The following CPAP variants were observed in gnomAD, a reference collection of about 807,000 sequenced individuals.
The protein encoded by CPAP is centrosomal P4.1-associated protein.
the CPAP span, among the ~76,000 whole-genome samples, chr13:24,890,083 G>A: frequency 6.6e-6 from 1 of 152,042 alleles, no homozygotes; most frequent in Non-Finnish European, 1.5e-5. Flanking sequence ...CAGAAGGTAG[G>A]GCATTCTACA....
the CPAP span, among the ~76,000 whole-genome samples, chr13:24,930,701 T>C: frequency 2.0e-5 from 3 of 152,244 alleles, no homozygotes; most frequent in Admixed American, 2.0e-4. Flanking sequence ...ATTTTCTTTA[T>C]CCAATCCATT....
At chr13:24,921,782 G>A in the CPAP span, among the ~76,000 whole-genome samples, 1 of 152,102 alleles carries the variant, frequency 6.6e-6, no homozygotes, top group Non-Finnish European at 1.5e-5. Context: ...ACAAGTGCAA[G>A]CAGTCTTGGG....
At chr13:24,929,956 G>A in the CPAP span, among the ~76,000 whole-genome samples, 3 of 145,572 alleles carry the variant, frequency 2.1e-5, no homozygotes, top group Non-Finnish European at 3.0e-5. Context: ...TGTTACCCAG[G>A]CTAGAGTGCA....
At chr13:24,887,870 G>A in the CPAP span, among the ~76,000 whole-genome samples, 3 of 152,152 alleles carry the variant, frequency 2.0e-5, no homozygotes, top group Non-Finnish European at 4.4e-5. Flanking sequence ...CTTGCTCAGT[G>A]CAGAGTTGCT....
chr13:24,909,723 A>G, the CPAP span: 2 of 1,419,100 alleles, frequency 1.4e-6, no homozygotes, highest in Non-Finnish European at 2.0e-6. Context: ...AAAAACATGG[A>G]AAGGCTTCAT....
chr13:24,899,458 T>C, the CPAP span: 2 of 1,613,844 alleles, frequency 1.2e-6, no homozygotes, highest in Non-Finnish European at 1.7e-6. Context: ...GAAAAGTTCT[T>C]GCAGCTGTAG....
chr13:24,913,912 G>C, the CPAP span, among the ~76,000 whole-genome samples: 10 of 152,172 alleles, frequency 6.6e-5, no homozygotes, highest in Non-Finnish European at 1.5e-4. Flanking sequence ...ACATAACAGA[G>C]AAGATAAGCC....
chr13:24,915,980 C>G, the CPAP span, among the ~76,000 whole-genome samples: 1 of 152,180 alleles, frequency 6.6e-6, no homozygotes, highest in African/African-American at 2.4e-5. Flanking sequence ...GTCATGAGAA[C>G]TTCAATGAGA....
At chr13:24,885,246 G>A in the CPAP span, 2 of 1,372,986 alleles carry the variant, frequency 1.5e-6, no homozygotes, top group South Asian at 1.2e-5. Context: ...ATTTTTTATA[G>A]AATTCATTAT....
the CPAP span, chr13:24,892,761 C>T: frequency 1.2e-6 from 2 of 1,613,884 alleles, no homozygotes; most frequent in Admixed American, 1.7e-5. Context: ...TGTGTTCTCT[C>T]TGACTAACAT....
chr13:24,888,035 G>A, the CPAP span, among the ~76,000 whole-genome samples: 2 of 152,144 alleles, frequency 1.3e-5, no homozygotes, highest in African/African-American at 4.8e-5. Flanking sequence ...GTGGTAACCC[G>A]AGTATTTGCT....
chr13:24,884,112 T>A, the CPAP span: 7 of 1,603,404 alleles, frequency 4.4e-6, no homozygotes, highest in Middle Eastern at 3.3e-4. Context: ...CAGTAAATAT[T>A]TTTTGAAGGA....
At chr13:24,919,419 T>C in the CPAP span, among the ~76,000 whole-genome samples, 1 of 152,176 alleles carries the variant, frequency 6.6e-6, no homozygotes, top group Non-Finnish European at 1.5e-5. Context: ...TGGATATTTT[T>C]TAATCTTTTT....
chr13:24,894,076 G>A, the CPAP span, among the ~76,000 whole-genome samples: 2 of 152,148 alleles, frequency 1.3e-5, no homozygotes, highest in Admixed American at 6.5e-5. Context: ...AGGGTGCCTG[G>A]CACAGTGCCA....
chr13:24,901,664 G>T, the CPAP span, among the ~76,000 whole-genome samples: 1 of 152,188 alleles, frequency 6.6e-6, no homozygotes, highest in African/African-American at 2.4e-5. Context: ...AGACTAGGGC[G>T]TGCTAATAGG....
the CPAP span, among the ~76,000 whole-genome samples, chr13:24,907,753 T>G: frequency 6.6e-6 from 1 of 152,178 alleles, no homozygotes; most frequent in Non-Finnish European, 1.5e-5. Flanking sequence ...AAAATAGGAT[T>G]TAACTATTTG....
chr13:24,911,205 G>A, the CPAP span, among the ~76,000 whole-genome samples: 2 of 152,156 alleles, frequency 1.3e-5, no homozygotes, highest in South Asian at 4.2e-4. Flanking sequence ...ACACCAATAA[G>A]GACTGATGAC....
chr13:24,887,078 A>T, the CPAP span, among the ~76,000 whole-genome samples: 1 of 152,176 alleles, frequency 6.6e-6, no homozygotes, highest in Non-Finnish European at 1.5e-5. Flanking sequence ...GTGCTGGAAT[A>T]GCTGGGTAGA....
chr13:24,889,904 C>A, the CPAP span, among the ~76,000 whole-genome samples: 142 of 152,170 alleles, frequency 9.3e-4, no homozygotes, highest in African/African-American at 3.3e-3. Flanking sequence ...CCCGCCATGT[C>A]CGTCCCTGCC....
Sources: allele counts gnomAD v4.1 joint callset (sites outside exome capture counted in the v4.1 genomes callset), GRCh38; gene constraint gnomAD v4.1.1; transcripts MANE v1.5; gene names NCBI Gene and HGNC (gene_info 2026-07-23, HGNC 2026-07-21).